AGAP3: variants seen among roughly 807,000 people sequenced by gnomAD.
AGAP3 encodes the protein ArfGAP with GTPase domain, ankyrin repeat and PH domain 3, also known as arf-GAP with GTPase, ANK repeat and PH domain-containing protein 3.
In AGAP3, 24 loss-of-function variants were observed where a neutral mutation model predicts 96.9. The ratio of observed to expected loss-of-function variants is 0.25; its 90% CI spans 0.18 to 0.35. The LOEUF is 0.35. Among genes scored for constraint, AGAP3 ranks in the 10% least tolerant of loss-of-function variants. The probability of loss-of-function intolerance (pLI) is 1.00; values close to 1 mark genes in which losing one functional copy is unlikely to be tolerated. For synonymous variants in AGAP3, 563 were observed against 536.1 expected (o/e 1.05, Z -0.69); for missense variants, 876 against 1,254.2 (o/e 0.70, Z 4.55).
chr7:151,122,695 C>T (rs747568465), intron 8 of AGAP3: 166 of 1,613,214 alleles, frequency 1.0e-4, no homozygotes, highest in Non-Finnish European at 1.5e-5. Context: ...GTATAACTTG[C>T]CAAAATCTTT....
intron 1 of AGAP3, 26 bp downstream of exon 1, chr7:151,087,098 G>A (rs925622334): frequency 1.9e-6 from 3 of 1,569,850 alleles, no homozygotes; most frequent in African/African-American, 1.3e-5. Flanking sequence ...GGCTGCGGGA[G>A]CCGGGGCGCA....
At chr7:151,090,040 C>T (rs187372532) in intron 1 of AGAP3, 5 of 152,346 alleles carry the variant, frequency 3.3e-5, no homozygotes, top group East Asian at 1.9e-4. Flanking sequence ...TGCAGGAGAA[C>T]GAGGGCCTCA....
chr7:151,116,881 G>A (rs1799612607), intron 2 of AGAP3, 30 bp downstream of exon 2: 1 of 1,606,220 alleles, frequency 6.2e-7, no homozygotes, highest in Non-Finnish European at 8.5e-7. Flanking sequence ...AGCACCGGCG[G>A]CCTGGAGCTG....
chr7:151,107,819 T>C (rs768027199), intron 1 of AGAP3, among the ~76,000 whole-genome samples: 5 of 152,260 alleles, frequency 3.3e-5, no homozygotes, highest in Admixed American at 6.5e-5. Context: ...GTCGAAAGTG[T>C]AGGCGATGGG....
chr7:151,142,899 G>A lies in AGAP3; in HGVS notation c.2273+265G>A, dbSNP rs945643606. ...CGCAGGGCCCCTATCACGGTGTGGT[G>A]CAGAGCGCCCACTCCGGAGCTCTGA... On this transcript the variant is annotated intron_variant, in intron 16 of 17. Coordinates refer to ENST00000397238, the MANE Select transcript of AGAP3 (RefSeq NM_031946.7). The surrounding 1 kb of genome is among the most constrained non-coding windows in gnomAD (Gnocchi z 7.5). Among the ~76,000 whole-genome samples the A allele has an allele frequency of 3.9e-5, 6 of 152,346 alleles. No individual in the cohort carries two copies. Among genetic ancestry groups the A allele is most frequent in the Non-Finnish European group, 7.4e-5 (5 of 68,024 alleles).
In AGAP3 at chr7:151,114,894, G is replaced by A. The variant is rs1266920269; in HGVS notation, c.332-1899G>A. The A allele has an allele frequency of 1.0e-6, 1 of 998,996 alleles. No individual in the cohort carries two copies. Among genetic ancestry groups the A allele is most frequent in the African/African-American group, 1.8e-5 (1 of 56,948 alleles). The allele number at this position is 998,996 out of a possible 1,614,324, so 61.9% of individuals were successfully genotyped here. On this transcript the variant is annotated intron_variant, in intron 1 of 17. Coordinates refer to ENST00000397238, the MANE Select transcript of AGAP3 (RefSeq NM_031946.7). The surrounding 1 kb of genome is among the most constrained non-coding windows in gnomAD (Gnocchi z 4.4). ...CGCCTCGGCCGGCCGCGCTGCCGCC[G>A]CCCTGCAGGCCGCCCTCTGCGCCGC...
Position 151,101,835 on chromosome 7 carries a change from GTGAGA to G in AGAP3, c.331+14764_331+14768del, listed in dbSNP as rs1159129157. On this transcript the variant is annotated intron_variant, in intron 1 of 17. Coordinates refer to ENST00000397238, the MANE Select transcript of AGAP3 (RefSeq NM_031946.7). The stretch of plus-strand genomic sequence containing the variant: ...ATCATCTCCCACCCCAGGCCTCGGG[GTGAGA>G]GAGAATCTGCCTCCCGTCCCTCTGT... 3.3e-5 allele frequency among the ~76,000 whole-genome samples: 5 copies of G among 152,318 alleles called. No homozygotes were observed. The East Asian group carries it at 9.7e-4, about 29-fold the overall frequency.
intron 1 of AGAP3, among the ~76,000 whole-genome samples, chr7:151,097,530 AAAAAAG>A (rs2150415001): frequency 6.6e-6 from 1 of 151,982 alleles, no homozygotes; most frequent in South Asian, 2.1e-4. Flanking sequence ...AAAAAAAAAA[AAAAAAG>A]AAAAAGAAAA....
chr7:151,134,576 G>A lies in AGAP3; in HGVS notation c.1495+8G>A, dbSNP rs781367697. 1.3e-5 allele frequency: 21 copies of A among 1,597,396 alleles called. No homozygotes were observed. The highest frequency in any genetic ancestry group is 3.4e-5 in the Admixed American group (2 of 58,298). ...AGCTGGGTGGGGGCACAGGTGAGGC[G>A]GCTGCTGAGGTGGGGGCCTGGGGGG... On this transcript the variant is annotated splice_region_variant and intron_variant, in intron 11 of 17. Coordinates refer to ENST00000397238, the MANE Select transcript of AGAP3 (RefSeq NM_031946.7).
chr7:151,102,093 T>G (rs917746190), intron 1 of AGAP3, among the ~76,000 whole-genome samples: 1 of 152,140 alleles, frequency 6.6e-6, no homozygotes, highest in Non-Finnish European at 1.5e-5. Flanking sequence ...CCCTTTGCTC[T>G]GAGTGGGAGA....
chr7:151,128,307 T>C (rs374282731), intron 9 of AGAP3: 7 of 449,694 alleles, frequency 1.6e-5, no homozygotes, highest in Non-Finnish European at 2.9e-5. Context: ...CCTGTCGAGG[T>C]GGCTCCACAC....
intron 1 of AGAP3, among the ~76,000 whole-genome samples, chr7:151,109,235 T>C (rs576981339): frequency 4.3e-5 from 6 of 140,372 alleles, no homozygotes; most frequent in African/African-American, 1.2e-4. Flanking sequence ...TGGTGTTGCA[T>C]GCCTAAAGTC....
rs959870270 is a variant in AGAP3 at position 151,096,238 on chromosome 7, C to T, written c.331+9166C>T. On this transcript the variant is annotated intron_variant, in intron 1 of 17. Coordinates refer to ENST00000397238, the MANE Select transcript of AGAP3 (RefSeq NM_031946.7). This position sits in a 1 kb window ranked among gnomAD's most constrained non-coding sequence, Gnocchi z 4.4. ...GTGAGGTGAGGGCTGCATGAGATCACAGGAATGACCATTTCCGGACCCGAG... is the reference window on the plus strand; with the variant it reads ...GTGAGGTGAGGGCTGCATGAGATCATAGGAATGACCATTTCCGGACCCGAG... Among the ~76,000 whole-genome samples, 1 of 152,204 alleles carries T rather than the reference C, an allele frequency of 6.6e-6. No individual in the cohort carries two copies. Among genetic ancestry groups the T allele is most frequent in the African/African-American group, 2.4e-5 (1 of 41,448 alleles).
At chr7:151,109,533 G>A (rs138246410) in intron 1 of AGAP3, among the ~76,000 whole-genome samples, 3 of 152,170 alleles carry the variant, frequency 2.0e-5, no homozygotes, top group Non-Finnish European at 4.4e-5. Context: ...CTGTCGACAT[G>A]CCCAAATTCC....
chr7:151,087,252 C>G (rs1798196035), intron 1 of AGAP3, 180 bp downstream of exon 1: 1 of 662,506 alleles, frequency 1.5e-6, no homozygotes, highest in Admixed American at 2.7e-5. Context: ...CGCCATATCT[C>G]GTTCGGGGAC....
intron 1 of AGAP3, chr7:151,115,473 C>T: frequency 3.0e-6 from 3 of 1,015,992 alleles, no homozygotes; most frequent in Non-Finnish European, 3.5e-6. Flanking sequence ...CCGCGACCTG[C>T]TGGGCTCCGA....
At chr7:151,104,550 A>T (rs546428814) in intron 1 of AGAP3, among the ~76,000 whole-genome samples, 1 of 152,326 alleles carries the variant, frequency 6.6e-6, no homozygotes, top group South Asian at 2.1e-4. Flanking sequence ...TTGCTGATGA[A>T]CATGAAAAGG....
chr7:151,107,189 A>T (rs1407003413), intron 1 of AGAP3, among the ~76,000 whole-genome samples: 1 of 152,046 alleles, frequency 6.6e-6, no homozygotes, highest in Non-Finnish European at 1.5e-5. Context: ...ACGCACCTGT[A>T]ATCCCAGCTA....
At chr7:151,119,208 G>C (rs1000178641) in intron 7 of AGAP3, 2 of 164,182 alleles carry the variant, frequency 1.2e-5, no homozygotes, top group African/African-American at 2.4e-5. Flanking sequence ...TCCCTGTCCC[G>C]AGGGGCAGGT....
Sources: allele counts gnomAD v4.1 joint callset (sites outside exome capture counted in the v4.1 genomes callset), GRCh38; gene constraint gnomAD v4.1.1; non-coding constraint Gnocchi (gnomAD v3.1); transcripts MANE v1.5; gene names NCBI Gene and HGNC (gene_info 2026-07-23, HGNC 2026-07-21).